The following GLRB variants were observed in gnomAD, a reference collection of about 807,000 sequenced individuals.
GLRB encodes the protein glycine receptor subunit beta.
In GLRB, 33 loss-of-function variants were observed where a neutral mutation model predicts 54.2. The ratio of observed to expected loss-of-function variants is 0.61; its 90% confidence interval spans 0.46 to 0.81. The LOEUF (loss-of-function observed/expected upper bound fraction) is 0.81, where lower values mean the gene tolerates loss of function less well. Ranked by LOEUF, GLRB falls within the 40% of genes least tolerant of loss-of-function variation. The pLI, the probability that GLRB is intolerant of heterozygous loss-of-function variation, is 0.00. For synonymous variants in GLRB, 209 were observed against 208.2 expected, an observed-to-expected ratio of 1.00 and a Z score of -0.03; for missense variants, 572 against 584.6, an observed-to-expected ratio of 0.98 and a Z score of 0.22.
At chr4:157,105,443 G>C (rs1735187939) in intron 2 of GLRB, among the ~76,000 whole-genome samples, 1 of 152,002 alleles carries the variant, frequency 6.6e-6, no homozygotes, top group African/African-American at 2.4e-5. Flanking sequence ...CCTAACATGT[G>C]ATCTATCTGG....
chr4:157,166,156 A>T (rs182536172), intron 9 of GLRB, among the ~76,000 whole-genome samples: 3 of 152,180 alleles, frequency 2.0e-5, no homozygotes, highest in African/African-American at 7.2e-5. Context: ...TGACAGTTTC[A>T]TTATCACACT....
intron 9 of GLRB, among the ~76,000 whole-genome samples, chr4:157,161,435 T>C (rs906165661): frequency 3.3e-5 from 5 of 152,232 alleles, no homozygotes; most frequent in Non-Finnish European, 7.3e-5. Flanking sequence ...TTGATGGTCT[T>C]TACAATTCAG....
intron 2 of GLRB, among the ~76,000 whole-genome samples, chr4:157,086,914 T>A (rs145517755): frequency 3.9e-5 from 6 of 152,284 alleles, no homozygotes; most frequent in African/African-American, 1.2e-4. Flanking sequence ...TATTTCAGAA[T>A]CCCTTTTGTG....
intron 2 of GLRB, among the ~76,000 whole-genome samples, chr4:157,100,644 T>A (rs1240713820): frequency 3.3e-5 from 5 of 152,168 alleles, no homozygotes; most frequent in Non-Finnish European, 7.4e-5. Flanking sequence ...ACTGACATAG[T>A]ATGGACTCAA....
chr4:157,085,479 T>C (rs894499718), intron 2 of GLRB, among the ~76,000 whole-genome samples: 3 of 152,094 alleles, frequency 2.0e-5, no homozygotes, highest in Non-Finnish European at 4.4e-5. Flanking sequence ...TTATTATCCA[T>C]CTTAACATGC....
intron 2 of GLRB, among the ~76,000 whole-genome samples, chr4:157,120,182 A>G (rs915406861): frequency 7.2e-5 from 10 of 137,964 alleles, no homozygotes; most frequent in Non-Finnish European, 1.5e-4. Flanking sequence ...GAATTGAACA[A>G]TGAGAACATA....
chr4:157,170,322 A>G (rs1737870256), intron 9 of GLRB, 110 bp from the exon 10 acceptor site: 1 of 684,602 alleles, frequency 1.5e-6, no homozygotes, highest in Non-Finnish European at 2.6e-6. Flanking sequence ...TCTTTGTGAC[A>G]TAAGCAAATG....
chr4:157,099,714 T>C (rs1734946711), intron 2 of GLRB, among the ~76,000 whole-genome samples: 1 of 152,122 alleles, frequency 6.6e-6, no homozygotes, highest in Non-Finnish European at 1.5e-5. Flanking sequence ...AGAGTAAAAT[T>C]TTTTGTATCA....
intron 2 of GLRB, among the ~76,000 whole-genome samples, chr4:157,087,084 A>T (rs2126438886): frequency 6.6e-6 from 1 of 152,234 alleles, no homozygotes; most frequent in African/African-American, 2.4e-5. Context: ...CCCTACTTCA[A>T]AATTGTTTGC....
At chr4:157,109,884 G>A (rs1490313296) in intron 2 of GLRB, among the ~76,000 whole-genome samples, 2 of 151,968 alleles carry the variant, frequency 1.3e-5, no homozygotes, top group African/African-American at 4.8e-5. Context: ...ATGTGAGAAG[G>A]GGCATAAAGC....
intron 2 of GLRB, among the ~76,000 whole-genome samples, chr4:157,106,016 A>G (rs981872241): frequency 6.6e-6 from 1 of 152,052 alleles, no homozygotes; most frequent in Admixed American, 6.6e-5. Flanking sequence ...CAAGTTTTAC[A>G]TTTTAGCATC....
intron 4 of GLRB, among the ~76,000 whole-genome samples, chr4:157,126,631 C>CA (rs1441702621): frequency 4.6e-5 from 7 of 151,740 alleles, no homozygotes; most frequent in African/African-American, 1.7e-4. Flanking sequence ...TAAGAGTATT[C>CA]AAAACAGTGA....
chr4:157,078,912 A>G (rs1734133921), intron 2 of GLRB, among the ~76,000 whole-genome samples: 1 of 152,214 alleles, frequency 6.6e-6, no homozygotes, highest in South Asian at 2.1e-4. Flanking sequence ...AGCTGGGATT[A>G]CAGGTGCCCA....
chr4:157,078,004 T>C lies in GLRB; in HGVS notation c.-21T>C. Reference sequence around the variant, plus strand: ...CTTGTTCTCTCTTGTAGATCGATCTTCTGAAATTCAAGTTTTCAAGATGAA... The same window carrying C: ...CTTGTTCTCTCTTGTAGATCGATCTCCTGAAATTCAAGTTTTCAAGATGAA... On this transcript the variant is annotated 5_prime_UTR_variant, in exon 2 of 10. Coordinates refer to ENST00000264428, the MANE Select transcript of GLRB (RefSeq NM_000824.5). 6.3e-7 allele frequency: 1 copy of C among 1,596,040 alleles called. No individual in the cohort carries two copies. Among genetic ancestry groups the C allele is most frequent in the Non-Finnish European group, 8.6e-7 (1 of 1,164,890 alleles).
intron 4 of GLRB, among the ~76,000 whole-genome samples, chr4:157,130,503 T>C (rs1736175306): frequency 6.6e-6 from 1 of 151,796 alleles, no homozygotes; most frequent in South Asian, 2.1e-4. Flanking sequence ...TGAACAAACC[T>C]ATTCTTAGTC....
Position 157,097,014 on chromosome 4 carries a change from T to C in GLRB, c.122+18868T>C, listed in dbSNP as rs138569791. On this transcript the variant is annotated intron_variant, in intron 2 of 9. Coordinates refer to ENST00000264428, the MANE Select transcript of GLRB (RefSeq NM_000824.5). ...TTAATTCCTTGGTTTTAAGTTTTAG[T>C]TTGTAGTAGCAATAAACTGCCCTCC... Among the ~76,000 whole-genome samples the C allele has an allele frequency of 3.3e-5, 5 of 152,350 alleles. No individual in the cohort carries two copies. In the East Asian group the frequency reaches 9.7e-4, roughly 29 times the overall value.
intron 7 of GLRB, among the ~76,000 whole-genome samples, chr4:157,139,993 A>G (rs1579232586): frequency 2.0e-5 from 3 of 152,130 alleles, no homozygotes; most frequent in African/African-American, 7.2e-5. Flanking sequence ...GAACATTTAC[A>G]TATTTACAAT....
chr4:157,145,639 C>A (rs1195321781), intron 8 of GLRB, among the ~76,000 whole-genome samples: 1 of 152,086 alleles, frequency 6.6e-6, no homozygotes, highest in Non-Finnish European at 1.5e-5. Flanking sequence ...TAAAACACTT[C>A]TTAGCTTCAA....
chr4:157,151,354 G>T (rs1049582653), intron 8 of GLRB, among the ~76,000 whole-genome samples: 2 of 151,952 alleles, frequency 1.3e-5, no homozygotes, highest in East Asian at 3.9e-4. Flanking sequence ...ATAAGGTCTT[G>T]GATTTTTATG....
Sources: gnomAD v4.1 joint callset for allele counts (sites outside exome capture counted in the v4.1 genomes callset) on GRCh38, gnomAD v4.1.1 for gene constraint, MANE v1.5 for transcripts, NCBI Gene and HGNC (gene_info 2026-07-23, HGNC 2026-07-21) for gene names.